Variants in TRPS1 observed in about 807,000 individuals in gnomAD.
TRPS1 encodes transcriptional repressor GATA binding 1, also known as zinc finger transcription factor Trps1.
TRPS1 carries 6 observed loss-of-function variants against 101.2 expected under a neutral mutation model. The ratio of observed to expected loss-of-function variants is 0.06; its 90% CI spans 0.03 to 0.12. The LOEUF (loss-of-function observed/expected upper bound fraction) is 0.12, where lower values mean the gene tolerates loss of function less well. TRPS1 is among the 10% of genes least tolerant of loss of function. The pLI, the probability that TRPS1 is intolerant of heterozygous loss-of-function variation, is 1.00. For missense variants in TRPS1, 1,363 were observed against 1,567.0 expected, an observed-to-expected ratio of 0.87 and a Z score of 2.20; for synonymous variants, 578 against 589.8, an observed-to-expected ratio of 0.98 and a Z score of 0.29.
chr8:115,610,997 AT>A (rs1425909422), intron 3 of TRPS1, among the ~76,000 whole-genome samples: 1 of 151,846 alleles, frequency 6.6e-6, no homozygotes, highest in Non-Finnish European at 1.5e-5. Flanking sequence ...GGTGCCTGTA[AT>A]CCCAGCTACT....
At chr8:115,561,046 C>T (rs1056903013) in intron 5 of TRPS1, among the ~76,000 whole-genome samples, 1 of 152,118 alleles carries the variant, frequency 6.6e-6, no homozygotes, top group Non-Finnish European at 1.5e-5. Flanking sequence ...TAACATTAAT[C>T]ATGGACTGGT....
At chr8:115,565,592 C>A (rs1379048749) in intron 5 of TRPS1, among the ~76,000 whole-genome samples, 1 of 150,594 alleles carries the variant, frequency 6.6e-6, no homozygotes, top group African/African-American at 2.4e-5. Context: ...AGTGAGTTCG[C>A]CAAAGTACTA....
In TRPS1 at chr8:115,644,461, G is replaced by A. The variant is rs557622553; in HGVS notation, c.-121-20703C>T. The stretch of plus-strand genomic sequence containing the variant: ...CTTTATCTCTCTCTCAGCTTTCACC[G>A]AATCAAACAGAGGGCCTTGCTCTGG... On this transcript the variant is annotated intron_variant, in intron 1 of 6. Coordinates refer to ENST00000395715, the MANE Select transcript of TRPS1 (RefSeq NM_014112.5). Among the ~76,000 whole-genome samples, 7 of 152,242 alleles carry A rather than the reference G, an allele frequency of 4.6e-5. No homozygotes were observed. In the South Asian group the frequency reaches 1.0e-3, roughly 23 times the overall value.
chr8:115,619,545 C>T lies in TRPS1; in HGVS notation c.553G>A (p.Ala185Thr), dbSNP rs745511556. The change falls in exon 3 of 7, where the codon GCC becomes ACC. Residue 185 changes from alanine (A) to threonine (T), a missense_variant. By Grantham distance (58) the Ala-to-Thr change is moderately conservative. Coordinates refer to ENST00000395715, the MANE Select transcript of TRPS1 (RefSeq NM_014112.5). ...ACTGGGCTCAAACCTTGACAATTGGCTTGACCACTCTGTGCTTGCCCTGTT... is the reference window on the plus strand; with the variant it reads ...ACTGGGCTCAAACCTTGACAATTGGTTTGACCACTCTGTGCTTGCCCTGTT... Reference protein sequence around the residue: ...EETGQAQSGQANCQGLSPVSV... With the variant: ...EETGQAQSGQTNCQGLSPVSV... 6.2e-7 allele frequency: 1 copy of T among 1,614,164 alleles called. No individual in the cohort carries two copies. The highest frequency in any genetic ancestry group is 1.1e-5 in the South Asian group (1 of 91,082).
intron 1 of TRPS1, among the ~76,000 whole-genome samples, chr8:115,646,539 T>G (rs2130598960): frequency 6.6e-6 from 1 of 152,182 alleles, no homozygotes; most frequent in Non-Finnish European, 1.5e-5. Flanking sequence ...GTTTAGAAAA[T>G]ACTGTGATCC....
At chr8:115,440,868 C>T (rs551626820) in intron 5 of TRPS1, among the ~76,000 whole-genome samples, 24 of 152,134 alleles carry the variant, frequency 1.6e-4, no homozygotes, top group African/African-American at 3.9e-4. Context: ...AAATGTTTTC[C>T]GACTTTTGGC....
At chr8:115,452,310 C>A (rs184956051) in intron 5 of TRPS1, among the ~76,000 whole-genome samples, 2 of 152,300 alleles carry the variant, frequency 1.3e-5, no homozygotes, top group African/African-American at 2.4e-5. Flanking sequence ...CCTGGCTGCA[C>A]ATCTGCACAA....
At chr8:115,552,533 A>G (rs1424873235) in intron 5 of TRPS1, among the ~76,000 whole-genome samples, 1 of 152,210 alleles carries the variant, frequency 6.6e-6, no homozygotes, top group Non-Finnish European at 1.5e-5. Flanking sequence ...TTTATGCATA[A>G]CTTTTCAACA....
chr8:115,591,142 A>G (rs963489638), intron 4 of TRPS1, among the ~76,000 whole-genome samples: 2 of 152,170 alleles, frequency 1.3e-5, no homozygotes, highest in Non-Finnish European at 2.9e-5. Flanking sequence ...TTTTTCATTA[A>G]TAGCAGTCAG....
chr8:115,550,411 A>G (rs1816676205), intron 5 of TRPS1, among the ~76,000 whole-genome samples: 1 of 152,150 alleles, frequency 6.6e-6, no homozygotes, highest in South Asian at 2.1e-4. Context: ...TGGGTAAGTC[A>G]CTCAACCTCT....
intron 3 of TRPS1, among the ~76,000 whole-genome samples, chr8:115,607,986 A>G (rs1282283597): frequency 6.6e-6 from 1 of 152,178 alleles, no homozygotes; most frequent in Non-Finnish European, 1.5e-5. Context: ...TTTCTAGGGT[A>G]AAAACAAATA....
chr8:115,492,439 T>C (rs548620272), intron 5 of TRPS1, among the ~76,000 whole-genome samples: 1 of 149,368 alleles, frequency 6.7e-6, no homozygotes, highest in South Asian at 2.2e-4. Flanking sequence ...TCAATTGTTA[T>C]TTATTGGGTG....
At chr8:115,538,627 C>T (rs1816379805) in intron 5 of TRPS1, among the ~76,000 whole-genome samples, 1 of 151,270 alleles carries the variant, frequency 6.6e-6, no homozygotes. Context: ...AATGTATCTT[C>T]TGAGATGCAT....
At chr8:115,455,084 A>T (rs1377865500) in intron 5 of TRPS1, among the ~76,000 whole-genome samples, 1 of 152,208 alleles carries the variant, frequency 6.6e-6, no homozygotes, top group Non-Finnish European at 1.5e-5. Flanking sequence ...ATATCTGCTG[A>T]TATTGTCACA....
At chr8:115,468,000 C>T (rs755840907) in intron 5 of TRPS1, among the ~76,000 whole-genome samples, 2 of 152,244 alleles carry the variant, frequency 1.3e-5, no homozygotes, top group East Asian at 1.9e-4. Context: ...CTAGATTTTT[C>T]GTGCCTACAG....
chr8:115,596,575 G>T (rs1423240575), intron 4 of TRPS1, among the ~76,000 whole-genome samples: 1 of 151,692 alleles, frequency 6.6e-6, no homozygotes, highest in Non-Finnish European at 1.5e-5. Context: ...TATATGGATA[G>T]ATATAGATAT....
chr8:115,550,724 C>T (rs1000097336), intron 5 of TRPS1, among the ~76,000 whole-genome samples: 2 of 152,106 alleles, frequency 1.3e-5, no homozygotes, highest in South Asian at 4.1e-4. Context: ...ACTTCTAAAG[C>T]CCTTGGTATT....
intron 1 of TRPS1, among the ~76,000 whole-genome samples, chr8:115,649,992 T>G (rs1433166673): frequency 6.6e-6 from 1 of 152,188 alleles, no homozygotes; most frequent in Non-Finnish European, 1.5e-5. Flanking sequence ...ATTTCTGCAT[T>G]TAGCAAACAG....
intron 5 of TRPS1, among the ~76,000 whole-genome samples, chr8:115,482,179 C>A (rs779002660): frequency 6.6e-6 from 1 of 152,116 alleles, no homozygotes; most frequent in African/African-American, 2.4e-5. Flanking sequence ...TGAATAATAT[C>A]TTTTAATAGC....
Sources: gnomAD v4.1 joint callset for allele counts (sites outside exome capture counted in the v4.1 genomes callset) on GRCh38, gnomAD v4.1.1 for gene constraint, MANE v1.5 for transcripts, NCBI Gene and HGNC (gene_info 2026-07-23, HGNC 2026-07-21) for gene names.